Variants in ANGPT4 observed in about 807,000 individuals in gnomAD.
The protein encoded by ANGPT4 is angiopoietin 4.
A neutral mutation model predicts 53.0 loss-of-function variants in ANGPT4; 50 were observed. The observed-to-expected ratio is 0.94, with a 90% CI of 0.75 to 1.20. ANGPT4 has a LOEUF of 1.20. ANGPT4 is among the 50% of genes most tolerant of loss of function. The probability of loss-of-function intolerance (pLI) is 0.00; values close to 1 mark genes in which losing one functional copy is unlikely to be tolerated. For missense variants in ANGPT4, 648 were observed against 637.1 expected (o/e 1.02, Z -0.18); for synonymous variants, 251 against 259.7 (o/e 0.97, Z 0.32).
chr20:912,717 G>A (rs933664735), intron 1 of ANGPT4, among the ~76,000 whole-genome samples: 6 of 152,090 alleles, frequency 3.9e-5, no homozygotes, highest in East Asian at 1.9e-4. Flanking sequence ...AGGTGAGGCC[G>A]GGGCTCTCCC....
At chr20:900,324 T>A (rs1456784036) in intron 1 of ANGPT4, among the ~76,000 whole-genome samples, 1 of 152,186 alleles carries the variant, frequency 6.6e-6, no homozygotes, top group Non-Finnish European at 1.5e-5. Context: ...CTCTAGGAAG[T>A]TACCCCATCA....
At chr20:892,784 C>T (rs1362856010) in intron 1 of ANGPT4, among the ~76,000 whole-genome samples, 1 of 152,126 alleles carries the variant, frequency 6.6e-6, no homozygotes, top group African/African-American at 2.4e-5. Context: ...ACAATCCTCC[C>T]ACCTCCCAAA....
intron 5 of ANGPT4, 44 bp downstream of exon 5, chr20:881,127 C>T (rs1226062488): frequency 6.7e-7 from 1 of 1,483,814 alleles, no homozygotes; most frequent in African/African-American, 1.4e-5. Flanking sequence ...AAGCCCTTGG[C>T]TCAGCACCCT....
rs1316933289 is a variant in ANGPT4 at position 870,199 on chromosome 20, GGAAGGAAGGTAA to G, written c.*2749_*2760del. On this transcript the variant is annotated 3_prime_UTR_variant, in exon 9 of 9. Coordinates refer to ENST00000381922, the MANE Select transcript of ANGPT4 (RefSeq NM_015985.4). The stretch of plus-strand genomic sequence containing the variant: ...TATACCTGAGTCCTGGCATGGAAGA[GGAAGGAAGGTAA>G]GAAAGAAGGATGAATATTTAAGAAC... 6.6e-6 allele frequency: 1 copy of G among 152,240 alleles called. No individual in the cohort carries two copies. The highest frequency in any genetic ancestry group is 2.4e-5 in the African/African-American group (1 of 41,456). The allele number at this position is 152,240 out of a possible 1,614,324, so 9.4% of individuals were successfully genotyped here.
At chr20:899,395 C>A (rs564311162) in intron 1 of ANGPT4, among the ~76,000 whole-genome samples, 28 of 152,108 alleles carry the variant, frequency 1.8e-4, no homozygotes, top group African/African-American at 6.3e-4. Flanking sequence ...CTACAGGTGC[C>A]TGCCACCACG....
chr20:873,538 C>A (rs994236675), intron 8 of ANGPT4, among the ~76,000 whole-genome samples: 1 of 151,948 alleles, frequency 6.6e-6, no homozygotes, highest in African/African-American at 2.4e-5. Context: ...GGTCTCTGTG[C>A]GTGGGTCTGT....
At chr20:882,057 G>A (rs976306444) in intron 4 of ANGPT4, among the ~76,000 whole-genome samples, 4 of 152,148 alleles carry the variant, frequency 2.6e-5, no homozygotes, top group African/African-American at 9.7e-5. Context: ...CCCCTTCATA[G>A]CCCACCCTTT....
intron 4 of ANGPT4, among the ~76,000 whole-genome samples, chr20:883,210 T>A (rs1981479800): frequency 2.6e-5 from 4 of 152,254 alleles, no homozygotes; most frequent in Admixed American, 2.6e-4. Flanking sequence ...CTCCGGCCCA[T>A]CTGACTGCAA....
At chr20:877,374 C>G (rs1414707790) in intron 7 of ANGPT4, among the ~76,000 whole-genome samples, 1 of 152,184 alleles carries the variant, frequency 6.6e-6, no homozygotes, top group Non-Finnish European at 1.5e-5. Context: ...CCTTAAATTT[C>G]TCTGAGAGGC....
At chr20:909,370 A>G (rs1033566765) in intron 1 of ANGPT4, among the ~76,000 whole-genome samples, 6 of 152,190 alleles carry the variant, frequency 3.9e-5, no homozygotes, top group Admixed American at 6.5e-5. Flanking sequence ...TGAGCCTCAC[A>G]GCAAACCCAG....
intron 1 of ANGPT4, among the ~76,000 whole-genome samples, chr20:899,785 T>C (rs1350579222): frequency 6.6e-6 from 1 of 152,198 alleles, no homozygotes; most frequent in Non-Finnish European, 1.5e-5. Context: ...AGATGCTTTC[T>C]TTACTATTCC....
Position 872,803 on chromosome 20 carries a change from T to A in ANGPT4, c.*157A>T. On this transcript the variant is annotated 3_prime_UTR_variant, in exon 9 of 9. Transcript: ENST00000381922. ...AGACGGAGGGGAGTTGGGGGGCAGA[T>A]GACCCTTCTGGACTTCTGGGTCAAG... 1.1e-6 allele frequency: 1 copy of A among 874,714 alleles called. No individual in the cohort carries two copies. Among genetic ancestry groups the A allele is most frequent in the Non-Finnish European group, 1.8e-6 (1 of 569,380 alleles). The allele number at this position is 874,714 out of a possible 1,614,324, so 54.2% of individuals were successfully genotyped here. A position where few individuals can be genotyped will look rare whatever the true frequency, so the allele number is the denominator to read the frequency against.
chr20:912,184 G>C (rs1423218911), intron 1 of ANGPT4, among the ~76,000 whole-genome samples: 1 of 152,194 alleles, frequency 6.6e-6, no homozygotes, highest in African/African-American at 2.4e-5. Flanking sequence ...GGCACTTCTT[G>C]GATGGGACAC....
At chr20:878,992 G>A (rs981570361) in intron 6 of ANGPT4, among the ~76,000 whole-genome samples, 1 of 152,148 alleles carries the variant, frequency 6.6e-6, no homozygotes, top group Non-Finnish European at 1.5e-5. Flanking sequence ...GATGCAATGC[G>A]GGTTAGCCTG....
At chr20:895,776 C>T (rs932269601) in intron 1 of ANGPT4, among the ~76,000 whole-genome samples, 1 of 152,082 alleles carries the variant, frequency 6.6e-6, no homozygotes, top group Non-Finnish European at 1.5e-5. Flanking sequence ...CACAGATGAA[C>T]CTCAGATGGA....
At chr20:905,219 C>A (rs916567231) in intron 1 of ANGPT4, among the ~76,000 whole-genome samples, 7 of 152,206 alleles carry the variant, frequency 4.6e-5, no homozygotes, top group Non-Finnish European at 7.3e-5. Flanking sequence ...TACTTCATGC[C>A]ATCTGAAATC....
At chr20:900,942 C>T (rs1342583735) in intron 1 of ANGPT4, among the ~76,000 whole-genome samples, 1 of 152,166 alleles carries the variant, frequency 6.6e-6, no homozygotes, top group East Asian at 1.9e-4. Flanking sequence ...CACAAAACTG[C>T]ATCCAGGCCA....
intron 1 of ANGPT4, among the ~76,000 whole-genome samples, chr20:909,706 G>A (rs730169): frequency 3.3e-5 from 5 of 152,166 alleles, no homozygotes; most frequent in African/African-American, 9.7e-5. Context: ...GAGTGGAAAA[G>A]CAATGGTCTG....
At chr20:896,780 C>T (rs1982071349) in intron 1 of ANGPT4, among the ~76,000 whole-genome samples, 1 of 152,124 alleles carries the variant, frequency 6.6e-6, no homozygotes, top group Admixed American at 6.5e-5. Flanking sequence ...TAGCTCCTTC[C>T]CCTGGGTTGT....
Sources: allele counts gnomAD v4.1 joint callset (sites outside exome capture counted in the v4.1 genomes callset), GRCh38; gene constraint gnomAD v4.1.1; transcripts MANE v1.5; gene names NCBI Gene and HGNC (gene_info 2026-07-23, HGNC 2026-07-21).